Variants in PC observed in about 807,000 individuals in gnomAD.
The protein encoded by PC is pyruvate carboxylase, also known as pyruvate carboxylase, mitochondrial.
In PC, 46 loss-of-function variants were observed where a neutral mutation model predicts 107.8. The ratio of observed to expected loss-of-function variants is 0.43; its 90% CI spans 0.34 to 0.55. The LOEUF is 0.55. Ranked by LOEUF, PC falls within the 20% of genes least tolerant of loss-of-function variation. The pLI is 0.04. For synonymous variants in PC, 662 were observed against 684.7 expected, an observed-to-expected ratio of 0.97 and a Z score of 0.52; for missense variants, 1,241 against 1,643.1, an observed-to-expected ratio of 0.76 and a Z score of 4.23.
In PC at chr11:66,872,064, C is replaced by T. The variant is rs1057520946; in HGVS notation, c.96G>A (p.Leu32=). ...TGACTTTCTTGATGGGCTTATACTCCAGGCGCCGGACATTTGGGGAGGCAG... is the reference window on the plus strand; with the variant it reads ...TGACTTTCTTGATGGGCTTATACTCTAGGCGCCGGACATTTGGGGAGGCAG... The part of the protein sequence containing the change: ...APAASPNVRR[L]EYKPIKKVMV... Residue 32 remains leucine, a synonymous_variant, in exon 4 of 23, where the codon CTG becomes CTA. Coordinates refer to ENST00000393960, the MANE Select transcript of PC (RefSeq NM_001040716.2). The T allele has an allele frequency of 6.4e-7, 1 of 1,564,394 alleles. No homozygotes were observed. The highest frequency in any genetic ancestry group is 8.7e-7 in the Non-Finnish European group (1 of 1,154,402).
At chr11:66,912,054 C>A (rs368826785) in intron 3 of PC, among the ~76,000 whole-genome samples, 12 of 121,260 alleles carry the variant, frequency 9.9e-5, no homozygotes, top group East Asian at 4.9e-4. Flanking sequence ...AAAAGAAAAG[C>A]AAACCTTATA....
chr11:66,880,951 G>A (rs1947164661), intron 3 of PC, among the ~76,000 whole-genome samples: 1 of 152,228 alleles, frequency 6.6e-6, no homozygotes, highest in Non-Finnish European at 1.5e-5. Context: ...CCCTCGAGCT[G>A]AGCCGCAACT....
chr11:66,850,031 G>C lies in PC; in HGVS notation c.2804C>G (p.Ala935Gly), dbSNP rs139540331. Residue 935 changes from alanine to glycine, a missense_variant, in exon 20 of 23, where the codon GCG becomes GGG. By Grantham distance (60) the Ala-to-Gly change is moderately conservative (BLOSUM62 0). Transcript: ENST00000393960. ...GLSRAEAEAQAEELSFPRSVV... is the reference protein window; with the variant it reads ...GLSRAEAEAQGEELSFPRSVV... ...GGAGCGGGGAAAGGACAGCTCTTCC[G>C]CCTGAGCTTCGGCCTCTGCCCGGCT... 1 of 1,613,542 alleles carries C rather than the reference G, an allele frequency of 6.2e-7. No homozygotes were observed.
chr11:66,889,434 G>A (rs1947487209), intron 3 of PC, among the ~76,000 whole-genome samples: 1 of 152,154 alleles, frequency 6.6e-6, no homozygotes, highest in African/African-American at 2.4e-5. Flanking sequence ...GTAGTGGCAT[G>A]ATCTCGGCTC....
chr11:66,850,434 C>T lies in PC; in HGVS notation c.2504G>A (p.Ser835Asn). The T allele has an allele frequency of 6.2e-7, 1 of 1,614,032 alleles. No individual in the cohort carries two copies. The highest frequency in any genetic ancestry group is 1.1e-5 in the South Asian group (1 of 91,088). The change falls in exon 19 of 23, where the codon AGT becomes AAT. Residue 835 changes from serine (S) to asparagine (N), a missense_variant. Physicochemically the swap from Ser to Asn is conservative, Grantham distance 46. This residue lies in a region of PC where 1,143 missense variants were observed against 1,551.9 expected (regional missense o/e 0.74). Transcript: ENST00000393960. ...EVPMERVFDY[S>N]EYWEGARGLY... ...TCCCCGAGCCCCCTCCCAGTACTCA[C>T]TGTAGTCAAACACGCGCTCCATGGG...
At chr11:66,915,499 C>A (rs901296057) in intron 3 of PC, among the ~76,000 whole-genome samples, 2 of 152,218 alleles carry the variant, frequency 1.3e-5, no homozygotes, top group Non-Finnish European at 2.9e-5. Flanking sequence ...CAGTCCTGCT[C>A]GGTAAACAGT....
chr11:66,852,689 T>C lies in PC; in HGVS notation c.1604-29A>G. 1 of 1,611,502 alleles carries C rather than the reference T, an allele frequency of 6.2e-7. No homozygotes were observed. The highest frequency in any genetic ancestry group is 8.5e-7 in the Non-Finnish European group (1 of 1,177,924). On this transcript the variant is annotated intron_variant, in intron 14 of 22. Coordinates refer to ENST00000393960, the MANE Select transcript of PC (RefSeq NM_001040716.2). This position sits in a 1 kb window ranked among gnomAD's most constrained non-coding sequence, Gnocchi z 4.7. ...GGGTAGACAGGGGCATTGGTGCCCATCCTGCAGGTGGCAACCTCCTGTCTC... is the reference window on the plus strand; with the variant it reads ...GGGTAGACAGGGGCATTGGTGCCCACCCTGCAGGTGGCAACCTCCTGTCTC...
chr11:66,871,901 T>A lies in PC; in HGVS notation c.137-30A>T, dbSNP rs878930751. The A allele has an allele frequency of 6.3e-7, 1 of 1,597,366 alleles. No homozygotes were observed. Reference sequence around the variant, plus strand: ...AGGGCAAAGAAACAAGAAGTTAGATTCCTAGGTCCTAGGAGAAGCAGAAAG... The same window carrying A: ...AGGGCAAAGAAACAAGAAGTTAGATACCTAGGTCCTAGGAGAAGCAGAAAG... On this transcript the variant is annotated intron_variant, in intron 4 of 22. Coordinates refer to ENST00000393960, the MANE Select transcript of PC (RefSeq NM_001040716.2). The surrounding 1 kb of genome is among the most constrained non-coding windows in gnomAD (Gnocchi z 7.4).
Position 66,870,332 on chromosome 11 carries a change from G to T in PC, c.873C>A (p.Leu291=), listed in dbSNP as rs1337387445. 6.2e-7 allele frequency: 1 copy of T among 1,613,520 alleles called. No individual in the cohort carries two copies. The highest frequency in any genetic ancestry group is 8.5e-7 in the Non-Finnish European group (1 of 1,180,008). The change falls in exon 9 of 23, where the codon CTC becomes CTA. Residue 291 remains leucine, a synonymous_variant. Coordinates refer to ENST00000393960, the MANE Select transcript of PC (RefSeq NM_001040716.2). This position sits in a 1 kb window ranked among gnomAD's most constrained non-coding sequence, Gnocchi z 6.1. The part of the protein sequence containing the change: ...AHLDPQLRTR[L]TSDSVKLAKQ... Reference sequence around the variant, plus strand: ...TAGCGAGTTTCACAGAGTCGCTGGTGAGCCGAGTCCGAAGCTGCGGGTCCA... The same window carrying T: ...TAGCGAGTTTCACAGAGTCGCTGGTTAGCCGAGTCCGAAGCTGCGGGTCCA...
intron 3 of PC, among the ~76,000 whole-genome samples, chr11:66,875,822 T>C (rs1384486197): frequency 1.3e-5 from 2 of 152,010 alleles, no homozygotes; most frequent in South Asian, 2.1e-4. Context: ...TCCTTATTCA[T>C]TGCACAGTGG....
intron 3 of PC, among the ~76,000 whole-genome samples, chr11:66,900,705 T>C (rs567426974): frequency 1.3e-5 from 2 of 152,326 alleles, no homozygotes; most frequent in South Asian, 2.1e-4. Flanking sequence ...GTTTTCAGAG[T>C]ATAAGTCTTG....
chr11:66,862,376 C>G (rs1431662603), intron 12 of PC, among the ~76,000 whole-genome samples: 1 of 152,230 alleles, frequency 6.6e-6, no homozygotes, highest in Admixed American at 6.5e-5. Context: ...TGCGACCAAG[C>G]AGCCATGTGG....
chr11:66,912,791 TC>T (rs1296694295), intron 3 of PC, among the ~76,000 whole-genome samples: 1 of 152,084 alleles, frequency 6.6e-6, no homozygotes. Flanking sequence ...TACTATCAGC[TC>T]CTGCCTCTGC....
intron 3 of PC, among the ~76,000 whole-genome samples, chr11:66,892,179 C>A: frequency 6.6e-6 from 1 of 152,116 alleles, no homozygotes; most frequent in Non-Finnish European, 1.5e-5. Flanking sequence ...AGTCCGGGAA[C>A]AAGGCTGCGA....
At chr11:66,928,779 A>G (rs982152469) in intron 3 of PC, among the ~76,000 whole-genome samples, 3 of 151,542 alleles carry the variant, frequency 2.0e-5, no homozygotes, top group Non-Finnish European at 4.4e-5. Context: ...CCTACCTCCG[A>G]CTCCCAAAGT....
At chr11:66,931,906 C>A (rs983631548) in intron 3 of PC, among the ~76,000 whole-genome samples, 1 of 151,594 alleles carries the variant, frequency 6.6e-6, no homozygotes, top group Non-Finnish European at 1.5e-5. Context: ...GTAGTCCCAG[C>A]TACTCAGGAG....
chr11:66,850,526 C>G, intron 18 of PC, 62 bp from the exon 19 acceptor site: 1 of 1,611,188 alleles, frequency 6.2e-7, no homozygotes, highest in Middle Eastern at 1.7e-4. Flanking sequence ...GGACCCAGGG[C>G]TAGCTCAGGT....
rs1390533035 is a variant in PC, at chr11:66,936,479, C to T, written c.-1+15951G>A. On this transcript the variant is annotated intron_variant, in intron 3 of 22. Coordinates refer to ENST00000393960, the MANE Select transcript of PC (RefSeq NM_001040716.2). ...ACCAATATTGTTATTGGCAATTGCT[C>T]TATTTTTCTTGAGGTAAAGGGTAAA... is the stretch of plus-strand genomic sequence containing the variant. 2.0e-5 allele frequency among the ~76,000 whole-genome samples: 3 copies of T among 152,054 alleles called. No individual in the cohort carries two copies. The East Asian group carries it at 5.8e-4, about 29-fold the overall frequency.
intron 10 of PC, among the ~76,000 whole-genome samples, chr11:66,868,446 G>A (rs552555702): frequency 2.6e-5 from 4 of 152,306 alleles, no homozygotes; most frequent in Admixed American, 2.6e-4. Context: ...TATGTCTCTA[G>A]TAAAACAGGT....
Sources: allele counts gnomAD v4.1 joint callset (sites outside exome capture counted in the v4.1 genomes callset), GRCh38; gene constraint gnomAD v4.1.1; regional missense constraint gnomAD v4.1.1; non-coding constraint Gnocchi (gnomAD v3.1); transcripts MANE v1.5; gene names NCBI Gene and HGNC (gene_info 2026-07-23, HGNC 2026-07-21).